TANC1: variants seen among roughly 807,000 people sequenced by gnomAD.
The protein encoded by TANC1 is protein TANC1.
Under a neutral mutation model 149.7 loss-of-function variants are expected in TANC1, and 77 were observed. The observed-to-expected ratio is 0.51, with a 90% CI of 0.43 to 0.62. The LOEUF (loss-of-function observed/expected upper bound fraction) is 0.62, where lower values mean the gene tolerates loss of function less well. TANC1 is among the 20% of genes least tolerant of loss of function. The pLI is 0.00. For synonymous variants in TANC1, 854 were observed against 925.0 expected, an observed-to-expected ratio of 0.92 and a Z score of 1.39; for missense variants, 1,985 against 2,321.8, an observed-to-expected ratio of 0.85 and a Z score of 2.98.
At chr2:159,093,307 A>G (rs377047379) in intron 3 of TANC1, among the ~76,000 whole-genome samples, 1 of 152,234 alleles carries the variant, frequency 6.6e-6, no homozygotes, top group South Asian at 2.1e-4. Context: ...GAAATATGCC[A>G]GCTGTGCTGG....
Position 158,988,857 on chromosome 2 carries a change from G to A in TANC1, c.-125-12223G>A, listed in dbSNP as rs368877115. ...GACTGGACCCCTGCCACCTCCTGCG[G>A]TGCTGCCCTCCTCACCCACTCCTTG... On this transcript the variant is annotated intron_variant, in intron 1 of 26. Coordinates refer to ENST00000263635, the MANE Select transcript of TANC1 (RefSeq NM_033394.3). 7.9e-4 allele frequency among the ~76,000 whole-genome samples: 121 copies of A among 152,256 alleles called. 2 individuals are homozygous for A. In the South Asian group the frequency reaches 0.025, roughly 31 times the overall value.
chr2:159,077,917 T>C (rs2043862413), intron 3 of TANC1, among the ~76,000 whole-genome samples: 2 of 152,216 alleles, frequency 1.3e-5, no homozygotes, highest in Admixed American at 6.5e-5. Flanking sequence ...ATTCCACCAG[T>C]AATATAAGAG....
At chr2:159,160,610 T>A (rs867090033) in intron 7 of TANC1, among the ~76,000 whole-genome samples, 2 of 152,170 alleles carry the variant, frequency 1.3e-5, no homozygotes, top group African/African-American at 4.8e-5. Context: ...AGGGCTCGGA[T>A]GGAGCTGAGC....
At chr2:158,982,474 A>C (rs557487680) in intron 1 of TANC1, among the ~76,000 whole-genome samples, 1 of 152,360 alleles carries the variant, frequency 6.6e-6, no homozygotes, top group African/African-American at 2.4e-5. Flanking sequence ...TGTTTCATAG[A>C]GGTTATGCCA....
At chr2:158,983,742 G>A (rs1404831853) in intron 1 of TANC1, among the ~76,000 whole-genome samples, 1 of 152,060 alleles carries the variant, frequency 6.6e-6, no homozygotes, top group East Asian at 1.9e-4. Flanking sequence ...AAATATTACC[G>A]ACAGGAGAGC....
At chr2:159,084,930 G>A (rs1240316841) in intron 3 of TANC1, among the ~76,000 whole-genome samples, 2 of 152,136 alleles carry the variant, frequency 1.3e-5, no homozygotes, top group Admixed American at 6.5e-5. Context: ...TTCAGGGTAG[G>A]GGATCCTAGG....
At chr2:159,216,038 T>TA (rs57979478) in intron 19 of TANC1, among the ~76,000 whole-genome samples, 4,025 of 152,266 alleles carry the variant, frequency 0.026, 162 homozygotes, top group African/African-American at 0.086. Flanking sequence ...GGTGGGGAGA[T>TA]ACACCTGTCT....
At chr2:159,003,525 T>G (rs2036815474) in intron 2 of TANC1, among the ~76,000 whole-genome samples, 1 of 151,814 alleles carries the variant, frequency 6.6e-6, no homozygotes, top group Admixed American at 6.6e-5. Context: ...CACAGAGAGG[T>G]TAAATTGCCT....
intron 2 of TANC1, among the ~76,000 whole-genome samples, chr2:159,061,708 A>G (rs532994632): frequency 6.6e-6 from 1 of 152,270 alleles, no homozygotes; most frequent in East Asian, 1.9e-4. Context: ...GTCAGCCATG[A>G]ACTTTGCCAT....
chr2:159,153,094 T>C (rs191515536), intron 7 of TANC1, among the ~76,000 whole-genome samples: 4 of 152,320 alleles, frequency 2.6e-5, no homozygotes, highest in African/African-American at 9.6e-5. Flanking sequence ...GTCTCATTAA[T>C]CCAGCTATCT....
At chr2:159,163,597 C>T in intron 8 of TANC1, 51 bp downstream of exon 8, 2 of 1,576,670 alleles carry the variant, frequency 1.3e-6, no homozygotes, top group Admixed American at 1.7e-5. Context: ...ACCAAGGTGC[C>T]CTGTGTTCAC....
intron 2 of TANC1, among the ~76,000 whole-genome samples, chr2:159,002,999 T>C (rs1281599368): frequency 2.0e-5 from 3 of 152,188 alleles, no homozygotes; most frequent in Admixed American, 6.5e-5. Context: ...CAGGTGTAAA[T>C]AGACCTTCAT....
At chr2:159,122,117 C>T (rs2048909333) in intron 4 of TANC1, among the ~76,000 whole-genome samples, 1 of 152,108 alleles carries the variant, frequency 6.6e-6, no homozygotes, top group South Asian at 2.1e-4. Flanking sequence ...TTTGTATTTT[C>T]TGTAGAGACA....
chr2:159,064,475 C>T (rs1462343136), intron 2 of TANC1, among the ~76,000 whole-genome samples: 1 of 152,088 alleles, frequency 6.6e-6, no homozygotes, highest in Non-Finnish European at 1.5e-5. Flanking sequence ...TGTTGTTGCC[C>T]AAAGCTTTCA....
At chr2:159,140,490 A>C (rs2051238244) in intron 5 of TANC1, among the ~76,000 whole-genome samples, 1 of 152,110 alleles carries the variant, frequency 6.6e-6, no homozygotes, top group Non-Finnish European at 1.5e-5. Context: ...ATAAGTATTC[A>C]GTTTCTATGC....
intron 2 of TANC1, chr2:159,056,004 C>T (rs1361647630): frequency 1.3e-5 from 4 of 310,894 alleles, no homozygotes; most frequent in African/African-American, 9.0e-5. Flanking sequence ...AGCATAAAAG[C>T]TTGTTGCCCC....
chr2:159,025,690 T>G (rs1214499032), intron 2 of TANC1, among the ~76,000 whole-genome samples: 1 of 152,258 alleles, frequency 6.6e-6, no homozygotes, highest in Non-Finnish European at 1.5e-5. Flanking sequence ...GGGGCTTTAC[T>G]ATAATACCAT....
At chr2:159,149,360 AG>A in intron 6 of TANC1, 88 bp downstream of exon 6, 1 of 1,572,162 alleles carries the variant, frequency 6.4e-7, no homozygotes, top group South Asian at 1.1e-5. Flanking sequence ...TGAGCAGGGA[AG>A]CCATTGTTCA....
intron 4 of TANC1, among the ~76,000 whole-genome samples, chr2:159,098,687 G>A (rs1044060632): frequency 6.6e-6 from 1 of 151,992 alleles, no homozygotes; most frequent in African/African-American, 2.4e-5. Flanking sequence ...TTATACTTTG[G>A]AAGTATTTTG....
Sources: gnomAD v4.1 joint callset for allele counts (sites outside exome capture counted in the v4.1 genomes callset) on GRCh38, gnomAD v4.1.1 for gene constraint, MANE v1.5 for transcripts, NCBI Gene and HGNC (gene_info 2026-07-23, HGNC 2026-07-21) for gene names.